The following NPRL3 variants were observed in gnomAD, a reference collection of about 807,000 sequenced individuals.
NPRL3 encodes the protein NPR3 like, GATOR1 complex subunit.
A neutral mutation model predicts 57.2 loss-of-function variants in NPRL3; 23 were observed. That is an observed-to-expected ratio of 0.40 (90% CI 0.29 to 0.57). The LOEUF (loss-of-function observed/expected upper bound fraction) is 0.57, where lower values mean the gene tolerates loss of function less well. NPRL3 is among the 20% of genes least tolerant of loss of function. NPRL3 has a pLI of 0.42. For synonymous variants in NPRL3, 333 were observed against 321.1 expected (o/e 1.04, Z -0.39); for missense variants, 691 against 767.1 (o/e 0.90, Z 1.17).
Position 122,462 on chromosome 16 carries a change from G to A in NPRL3, c.189-3207C>T, listed in dbSNP as rs576633260. Among the ~76,000 whole-genome samples, 11 of 152,344 alleles carry A rather than the reference G, an allele frequency of 7.2e-5. No individual in the cohort carries two copies. The South Asian group carries it at 2.3e-3, about 32-fold the overall frequency. On this transcript the variant is annotated intron_variant, in intron 3 of 13. Transcript: ENST00000611875. ...CATAAAGACAGAGTTATATTCATGA[G>A]ATTGGGGGTGGGGCAAAACTTATAA...
At chr16:100,171 C>G (rs1408863291) in intron 8 of NPRL3, among the ~76,000 whole-genome samples, 1 of 151,936 alleles carries the variant, frequency 6.6e-6, no homozygotes, top group East Asian at 1.9e-4. Context: ...CAGGAGAAAC[C>G]TGGGATTGGT....
chr16:112,564 C>T, intron 6 of NPRL3, 58 bp downstream of exon 6: 1 of 1,421,560 alleles, frequency 7.0e-7, no homozygotes, highest in Non-Finnish European at 9.3e-7. Flanking sequence ...GAGGTCTGCG[C>T]TGCAGAGAGG....
chr16:111,940 G>T (rs944601793), intron 6 of NPRL3, among the ~76,000 whole-genome samples: 2 of 152,152 alleles, frequency 1.3e-5, no homozygotes, highest in Non-Finnish European at 2.9e-5. Context: ...TTTGTTACAG[G>T]TGTCTCTTTA....
chr16:113,488 G>A (rs1247891971), intron 5 of NPRL3, among the ~76,000 whole-genome samples: 1 of 152,172 alleles, frequency 6.6e-6, no homozygotes, highest in African/African-American at 2.4e-5. Context: ...GGAACAAGAG[G>A]GGCCCTCGAC....
At chr16:131,557 T>A in intron 2 of NPRL3, among the ~76,000 whole-genome samples, 1 of 131,430 alleles carries the variant, frequency 7.6e-6, no homozygotes, top group Non-Finnish European at 1.5e-5. Flanking sequence ...AGGATTGTGC[T>A]ACTGCACTTG....
chr16:133,818 CAT>C (rs1486321621), intron 2 of NPRL3, among the ~76,000 whole-genome samples: 6 of 152,172 alleles, frequency 3.9e-5, no homozygotes, highest in South Asian at 4.1e-4. Context: ...ATGTGAGAAA[CAT>C]GTGATTCTTT....
At chr16:130,303 G>C (rs1900731241) in intron 3 of NPRL3, among the ~76,000 whole-genome samples, 1 of 152,202 alleles carries the variant, frequency 6.6e-6, no homozygotes, top group Admixed American at 6.5e-5. Flanking sequence ...TCACCCACCA[G>C]ACAAGCCTGA....
chr16:107,573 C>T (rs1431447184), intron 7 of NPRL3, among the ~76,000 whole-genome samples: 1 of 110,478 alleles, frequency 9.1e-6, no homozygotes, highest in Admixed American at 1.1e-4. Context: ...CCAGCCTGGG[C>T]AACAGAAGGA....
rs1345246971 is a variant in NPRL3 at position 119,233 on chromosome 16, T to A, written c.211A>T (p.Thr71Ser). ...ATTTCAGACTTGGTTGCCAAAATTG[T>A]TGCCAGAATAACATCTGAAAACCTT... ...DSRFSDVILA[T>S]ILATKSEMCG... Residue 71 changes from threonine to serine, a missense_variant, in exon 4 of 14, where the codon ACA (threonine) becomes TCA (serine). Thr to Ser is a moderately conservative substitution (Grantham distance 58). Transcript: ENST00000611875. 1.2e-6 allele frequency: 2 copies of A among 1,609,812 alleles called. No individual in the cohort carries two copies. The highest frequency in any genetic ancestry group is 1.7e-6 in the Non-Finnish European group (2 of 1,177,958).
intron 9 of NPRL3, among the ~76,000 whole-genome samples, chr16:96,831 A>C (rs926781214): frequency 2.0e-5 from 3 of 152,104 alleles, no homozygotes; most frequent in Non-Finnish European, 4.4e-5. Context: ...AAGTGCTCTC[A>C]CAGAGGATAG....
chr16:109,889 T>A (rs868444469), intron 7 of NPRL3, among the ~76,000 whole-genome samples: 1 of 152,354 alleles, frequency 6.6e-6, no homozygotes, highest in Middle Eastern at 3.4e-3. Flanking sequence ...TTCATTCTTC[T>A]ATTGGGAAAT....
At chr16:89,021 A>AGCG in intron 12 of NPRL3, 131 bp from the exon 13 acceptor site, 2 of 792,554 alleles carry the variant, frequency 2.5e-6, no homozygotes, top group Non-Finnish European at 4.1e-6. Context: ...ATCTGCCTGC[A>AGCG]AGCATTCGCT....
At chr16:98,328 C>A in intron 8 of NPRL3, 27 bp from the exon 9 acceptor site, 1 of 1,610,838 alleles carries the variant, frequency 6.2e-7, no homozygotes, top group Non-Finnish European at 8.5e-7. Context: ...TGTCACGGAA[C>A]ACACGAAGTG....
chr16:112,461 T>C (rs1899858293), intron 6 of NPRL3, among the ~76,000 whole-genome samples, 161 bp downstream of exon 6: 1 of 152,240 alleles, frequency 6.6e-6, no homozygotes, highest in African/African-American at 2.4e-5. Context: ...CAAAAGCCGA[T>C]GCTTGCAAGC....
chr16:113,300 A>C (rs1397887079), intron 5 of NPRL3, among the ~76,000 whole-genome samples: 1 of 152,216 alleles, frequency 6.6e-6, no homozygotes, highest in African/African-American at 2.4e-5. Context: ...GTACAAAAAG[A>C]GAGGCACCAG....
intron 5 of NPRL3, among the ~76,000 whole-genome samples, chr16:115,535 G>A (rs956296071): frequency 6.7e-6 from 1 of 150,202 alleles, no homozygotes; most frequent in South Asian, 2.1e-4. Context: ...GCCCAGATTG[G>A]AGTGCAATGG....
intron 3 of NPRL3, among the ~76,000 whole-genome samples, chr16:129,319 T>C (rs1170713639): frequency 6.6e-6 from 1 of 152,148 alleles, no homozygotes; most frequent in Non-Finnish European, 1.5e-5. Flanking sequence ...AAGCATTCTA[T>C]ATGCCTGTGA....
At chr16:92,369 G>A (rs1310763267) in intron 11 of NPRL3, among the ~76,000 whole-genome samples, 1 of 152,226 alleles carries the variant, frequency 6.6e-6, no homozygotes, top group African/African-American at 2.4e-5. Context: ...TCTATGGGGA[G>A]GGAACAACTG....
chr16:134,309 T>C (rs1010959132), intron 2 of NPRL3, among the ~76,000 whole-genome samples: 1 of 152,040 alleles, frequency 6.6e-6, no homozygotes, highest in Non-Finnish European at 1.5e-5. Context: ...AAAATTTAAA[T>C]GTACATACAC....
Sources: allele counts gnomAD v4.1 joint callset (sites outside exome capture counted in the v4.1 genomes callset), GRCh38; gene constraint gnomAD v4.1.1; transcripts MANE v1.5; gene names NCBI Gene and HGNC (gene_info 2026-07-23, HGNC 2026-07-21).